The following LDB2 variants were observed in gnomAD, a reference collection of about 807,000 sequenced individuals.
LDB2 encodes LIM domain binding 2.
A neutral mutation model predicts 44.3 loss-of-function variants in LDB2; 12 were observed. That is an observed-to-expected ratio of 0.27 (90% confidence interval 0.17 to 0.44). The LOEUF is 0.44. Ranked by LOEUF, LDB2 falls within the 20% of genes least tolerant of loss-of-function variation. The pLI is 1.00. For missense variants in LDB2, 344 were observed against 473.5 expected (o/e 0.73, Z 2.54); for synonymous variants, 164 against 174.8 (o/e 0.94, Z 0.49).
chr4:16,510,930 G>A (rs920301377), intron 6 of LDB2, among the ~76,000 whole-genome samples: 6 of 151,992 alleles, frequency 3.9e-5, no homozygotes, highest in Admixed American at 1.3e-4. Flanking sequence ...AGTGGATTAC[G>A]TTTTCTCCAT....
intron 1 of LDB2, among the ~76,000 whole-genome samples, chr4:16,812,631 ATGTGTGTGTGTGTGTGTG>A (rs5856389): frequency 7.9e-6 from 1 of 126,024 alleles, no homozygotes; most frequent in Admixed American, 8.3e-5. Context: ...TATTAAATAT[ATGTGTGTGTGTGTGTGTG>A]TGTGTGTGTG....
At chr4:16,765,727 G>T (rs1171401492) in intron 1 of LDB2, among the ~76,000 whole-genome samples, 1 of 152,198 alleles carries the variant, frequency 6.6e-6, no homozygotes, top group Non-Finnish European at 1.5e-5. Context: ...AACCTCAGTG[G>T]CTAGGGGCCA....
chr4:16,539,777 C>T (rs1733123442), intron 5 of LDB2, among the ~76,000 whole-genome samples: 2 of 152,136 alleles, frequency 1.3e-5, no homozygotes, highest in Non-Finnish European at 2.9e-5. Context: ...TCCACCACTA[C>T]TGTGGCAGAA....
chr4:16,888,474 T>C (rs2110494638), intron 1 of LDB2, among the ~76,000 whole-genome samples: 1 of 152,160 alleles, frequency 6.6e-6, no homozygotes, highest in East Asian at 1.9e-4. Flanking sequence ...CATAACAAGG[T>C]ATATGATTAT....
intron 2 of LDB2, among the ~76,000 whole-genome samples, chr4:16,671,308 T>C (rs1289835835): frequency 2.0e-5 from 3 of 152,138 alleles, no homozygotes; most frequent in African/African-American, 7.2e-5. Context: ...TGAATCACAT[T>C]TCCCTTTCAG....
At chr4:16,815,919 T>C (rs1461021607) in intron 1 of LDB2, among the ~76,000 whole-genome samples, 1 of 152,192 alleles carries the variant, frequency 6.6e-6, no homozygotes, top group Non-Finnish European at 1.5e-5. Context: ...AAAATCATAT[T>C]ACTTCAGGCC....
At chr4:16,534,643 C>T (rs189346223) in intron 5 of LDB2, among the ~76,000 whole-genome samples, 5 of 152,214 alleles carry the variant, frequency 3.3e-5, no homozygotes, top group Non-Finnish European at 7.4e-5. Context: ...ATAGCTTTGC[C>T]CATGTGGTAG....
chr4:16,604,226 A>G (rs1202470180), intron 2 of LDB2, among the ~76,000 whole-genome samples: 3 of 152,186 alleles, frequency 2.0e-5, no homozygotes, highest in Non-Finnish European at 4.4e-5. Context: ...AGATCCTTGA[A>G]TATTTTAGTT....
rs557572711 is a variant in LDB2, at chr4:16,628,595, C to T, written c.236-32720G>A. 2.7e-5 allele frequency among the ~76,000 whole-genome samples: 4 copies of T among 150,884 alleles called. No individual in the cohort carries two copies. In the South Asian group the frequency reaches 6.3e-4, roughly 24 times the overall value. Reference sequence around the variant, plus strand: ...TTTTTTTTTTTTGTCCTGTACCATTCGAGAAAGCCTCTCTTAAATTTGAGT... The same window carrying T: ...TTTTTTTTTTTTGTCCTGTACCATTTGAGAAAGCCTCTCTTAAATTTGAGT... On this transcript the variant is annotated intron_variant, in intron 2 of 7. Transcript: ENST00000304523.
chr4:16,596,462 G>C (rs1294630743), intron 2 of LDB2, among the ~76,000 whole-genome samples: 2 of 152,070 alleles, frequency 1.3e-5, no homozygotes, highest in African/African-American at 4.8e-5. Context: ...ATGCTTCAAG[G>C]TCACGTGACT....
rs1052887126 is a variant in LDB2 at position 16,785,246 on chromosome 4, C to T, written c.133-25986G>A. ...TCAGCATGATAAACATGCCTCCATCCAACAGTTTGGAACACCCCAGGCCAC... is the reference window on the plus strand; with the variant it reads ...TCAGCATGATAAACATGCCTCCATCTAACAGTTTGGAACACCCCAGGCCAC... On this transcript the variant is annotated intron_variant, in intron 1 of 7. Coordinates refer to ENST00000304523, the MANE Select transcript of LDB2 (RefSeq NM_001290.5). Among the ~76,000 whole-genome samples the T allele has an allele frequency of 2.0e-5, 3 of 152,128 alleles. No individual in the cohort carries two copies. The East Asian group carries it at 5.8e-4, about 29-fold the overall frequency.
At chr4:16,838,429 C>T (rs1207329586) in intron 1 of LDB2, among the ~76,000 whole-genome samples, 2 of 152,164 alleles carry the variant, frequency 1.3e-5, no homozygotes, top group Admixed American at 1.3e-4. Flanking sequence ...TCTGGAAAGG[C>T]GACTTTTAAA....
chr4:16,728,417 T>C (rs536424954), intron 2 of LDB2, among the ~76,000 whole-genome samples: 3 of 152,268 alleles, frequency 2.0e-5, no homozygotes, highest in Admixed American at 1.3e-4. Flanking sequence ...GCTAGATGGA[T>C]GGATAGATAA....
At chr4:16,571,965 A>T (rs1201443815) in intron 5 of LDB2, among the ~76,000 whole-genome samples, 2 of 152,272 alleles carry the variant, frequency 1.3e-5, no homozygotes, top group East Asian at 3.9e-4. Context: ...GGGACAGACG[A>T]TGAGGCCATA....
chr4:16,861,415 T>C (rs1180452649), intron 1 of LDB2, among the ~76,000 whole-genome samples: 1 of 152,152 alleles, frequency 6.6e-6, no homozygotes, highest in Non-Finnish European at 1.5e-5. Context: ...CCACCCCAAG[T>C]TGTGACAGCC....
chr4:16,556,940 T>A (rs1739843803), intron 5 of LDB2, among the ~76,000 whole-genome samples: 1 of 152,210 alleles, frequency 6.6e-6, no homozygotes, highest in South Asian at 2.1e-4. Context: ...ATTAATCTTT[T>A]TTCAAGTAGA....
intron 2 of LDB2, among the ~76,000 whole-genome samples, chr4:16,711,007 T>A (rs1450736410): frequency 6.6e-6 from 1 of 152,238 alleles, no homozygotes; most frequent in Non-Finnish European, 1.5e-5. Context: ...TAGCTTTTTA[T>A]GAAATTTCAA....
At chr4:16,763,238 A>G (rs1488495519) in intron 1 of LDB2, among the ~76,000 whole-genome samples, 1 of 152,180 alleles carries the variant, frequency 6.6e-6, no homozygotes, top group African/African-American at 2.4e-5. Flanking sequence ...TGGCTGATAG[A>G]ACACATTAAT....
chr4:16,728,403 G>A (rs555926717), intron 2 of LDB2, among the ~76,000 whole-genome samples: 138 of 152,186 alleles, frequency 9.1e-4, no homozygotes, highest in Non-Finnish European at 1.6e-3. Flanking sequence ...AGCTAGATTA[G>A]CTAGCTAGAT....
Sources: allele counts gnomAD v4.1 joint callset (sites outside exome capture counted in the v4.1 genomes callset), GRCh38; gene constraint gnomAD v4.1.1; transcripts MANE v1.5; gene names NCBI Gene and HGNC (gene_info 2026-07-23, HGNC 2026-07-21).